RALGAPA2: variants seen among roughly 807,000 people sequenced by gnomAD.
The protein encoded by RALGAPA2 is ral GTPase-activating protein subunit alpha-2.
Under a neutral mutation model 230.4 loss-of-function variants are expected in RALGAPA2, and 139 were observed. That is an observed-to-expected ratio of 0.60 (90% CI 0.53 to 0.69). RALGAPA2 has a LOEUF of 0.69. Among genes scored for constraint, RALGAPA2 ranks in the 30% least tolerant of loss-of-function variants. RALGAPA2 has a pLI of 0.00. For missense variants in RALGAPA2, 2,163 were observed against 2,276.0 expected, an observed-to-expected ratio of 0.95 and a Z score of 1.01; for synonymous variants, 847 against 837.8, an observed-to-expected ratio of 1.01 and a Z score of -0.19.
At chr20:20,568,684 T>G (rs921629655) in intron 23 of RALGAPA2, among the ~76,000 whole-genome samples, 3 of 152,230 alleles carry the variant, frequency 2.0e-5, no homozygotes, top group Admixed American at 1.3e-4. Context: ...GACATAATTT[T>G]GATACCTTCA....
chr20:20,600,355 T>C (rs2065602011), intron 16 of RALGAPA2, among the ~76,000 whole-genome samples: 2 of 152,122 alleles, frequency 1.3e-5, no homozygotes, highest in African/African-American at 4.8e-5. Flanking sequence ...GGAATTGGAA[T>C]GAGAAAGGAA....
rs1342855056 is a variant in RALGAPA2 at position 20,640,946 on chromosome 20, T to C, written c.373-68A>G. 7.3e-6 allele frequency: 10 copies of C among 1,377,384 alleles called. No homozygotes were observed. The East Asian group carries it at 1.5e-4, about 20-fold the overall frequency. The allele number at this position is 1,377,384 out of a possible 1,614,324, so 85.3% of individuals were successfully genotyped here. A position where few individuals can be genotyped will look rare whatever the true frequency, so the allele number is the denominator to read the frequency against. On this transcript the variant is annotated intron_variant, in intron 5 of 39. Coordinates refer to ENST00000202677, the MANE Select transcript of RALGAPA2 (RefSeq NM_020343.4). ...TACAGAAATGCATTACAATGTAGCATCGGTCTTGAGAAAGAAAAACTACAA... is the reference window on the plus strand; with the variant it reads ...TACAGAAATGCATTACAATGTAGCACCGGTCTTGAGAAAGAAAAACTACAA...
intron 37 of RALGAPA2, among the ~76,000 whole-genome samples, chr20:20,463,835 GA>G: frequency 6.6e-6 from 1 of 152,344 alleles, no homozygotes; most frequent in South Asian, 2.1e-4. Flanking sequence ...GCAGCACTAT[GA>G]AAAAGGTAAG....
At chr20:20,408,927 C>G (rs1273192924) in intron 38 of RALGAPA2, among the ~76,000 whole-genome samples, 1 of 152,116 alleles carries the variant, frequency 6.6e-6, no homozygotes, top group Admixed American at 6.5e-5. Flanking sequence ...GTTATCAATA[C>G]AAGTAATGGA....
At chr20:20,668,354 G>A (rs1020349612) in intron 3 of RALGAPA2, among the ~76,000 whole-genome samples, 4 of 152,160 alleles carry the variant, frequency 2.6e-5, no homozygotes, top group African/African-American at 9.7e-5. Flanking sequence ...AGTGAACCAA[G>A]ATAGTGCCAC....
intron 20 of RALGAPA2, among the ~76,000 whole-genome samples, chr20:20,581,916 C>T (rs76784165): frequency 0.063 from 9,607 of 152,088 alleles, 394 homozygotes; most frequent in Non-Finnish European, 0.087. Context: ...ACACTCTTAA[C>T]ATGTTACTTT....
At chr20:20,434,626 A>T (rs2060569694) in intron 37 of RALGAPA2, among the ~76,000 whole-genome samples, 1 of 152,144 alleles carries the variant, frequency 6.6e-6, no homozygotes, top group African/African-American at 2.4e-5. Flanking sequence ...CTGTTTGGGT[A>T]GAGGACTATA....
intron 15 of RALGAPA2, among the ~76,000 whole-genome samples, 186 bp downstream of exon 15, chr20:20,604,989 C>T (rs1355550282): frequency 1.3e-5 from 2 of 152,192 alleles, no homozygotes; most frequent in Non-Finnish European, 2.9e-5. Flanking sequence ...ATAGCTTCCT[C>T]AGAAATTCAC....
intron 23 of RALGAPA2, among the ~76,000 whole-genome samples, chr20:20,565,641 T>C (rs1053998541): frequency 6.6e-6 from 1 of 152,088 alleles, no homozygotes; most frequent in Non-Finnish European, 1.5e-5. Flanking sequence ...AAAATTATGG[T>C]TTTTTTTAAC....
chr20:20,458,493 T>A (rs2061185182), intron 37 of RALGAPA2, among the ~76,000 whole-genome samples: 2 of 138,832 alleles, frequency 1.4e-5, no homozygotes, highest in South Asian at 2.2e-4. Context: ...ATGTATTTTA[T>A]ATATATTATA....
intron 1 of RALGAPA2, among the ~76,000 whole-genome samples, chr20:20,695,620 T>C (rs1188556113): frequency 6.6e-6 from 1 of 152,226 alleles, no homozygotes; most frequent in Admixed American, 6.5e-5. Context: ...AAATGATGTC[T>C]CTGGAAGAAT....
At chr20:20,441,976 C>G (rs1358399075) in intron 37 of RALGAPA2, among the ~76,000 whole-genome samples, 1 of 152,096 alleles carries the variant, frequency 6.6e-6, no homozygotes, top group Non-Finnish European at 1.5e-5. Context: ...AAAAGAGTAT[C>G]TGAATAAATT....
chr20:20,492,219 C>T (rs2123573605), intron 36 of RALGAPA2, among the ~76,000 whole-genome samples: 1 of 151,256 alleles, frequency 6.6e-6, no homozygotes, highest in Non-Finnish European at 1.5e-5. Context: ...TTTTTTTCTC[C>T]CAAAAAAGGA....
In RALGAPA2 at chr20:20,392,954, T is replaced by C. The variant is rs1256146837; in HGVS notation, c.*335A>G. 6 of 733,142 alleles carry C rather than the reference T, an allele frequency of 8.2e-6. No individual in the cohort carries two copies. The highest frequency in any genetic ancestry group is 1.2e-5 in the Non-Finnish European group (6 of 513,690). 45.4% of individuals were successfully genotyped at this position (733,142 alleles called of 1,614,324 possible). On this transcript the variant is annotated 3_prime_UTR_variant, in exon 40 of 40. Coordinates refer to ENST00000202677, the MANE Select transcript of RALGAPA2 (RefSeq NM_020343.4). The stretch of plus-strand genomic sequence containing the variant: ...AGCCACACCAGTGCCCACGTGTCAG[T>C]GGGTTCATCTCTGGTTTTTGGTGAC...
chr20:20,406,123 G>A (rs1287590823), intron 38 of RALGAPA2, among the ~76,000 whole-genome samples: 1 of 152,226 alleles, frequency 6.6e-6, no homozygotes, highest in East Asian at 1.9e-4. Context: ...ATTTAGGGCA[G>A]TGGTTCTCAG....
chr20:20,498,231 G>T (rs1289292204), intron 35 of RALGAPA2, among the ~76,000 whole-genome samples: 3 of 152,162 alleles, frequency 2.0e-5, no homozygotes, highest in Non-Finnish European at 4.4e-5. Flanking sequence ...GTGTAACTGG[G>T]GAAGAATGAT....
chr20:20,503,701 TC>T (rs2062447306), intron 34 of RALGAPA2, among the ~76,000 whole-genome samples, 195 bp from the exon 35 acceptor site: 1 of 152,230 alleles, frequency 6.6e-6, no homozygotes, highest in South Asian at 2.1e-4. Context: ...ATGAAAGTGC[TC>T]TACAATCATA....
intron 2 of RALGAPA2, among the ~76,000 whole-genome samples, 156 bp downstream of exon 2, chr20:20,680,535 G>A (rs1481162321): frequency 6.6e-6 from 1 of 152,108 alleles, no homozygotes; most frequent in African/African-American, 2.4e-5. Flanking sequence ...AAGCTCAAGA[G>A]AAACAAAGAT....
intron 15 of RALGAPA2, among the ~76,000 whole-genome samples, chr20:20,603,894 CA>C (rs2065737951): frequency 6.6e-6 from 1 of 152,180 alleles, no homozygotes; most frequent in Non-Finnish European, 1.5e-5. Context: ...GTAGTCTACA[CA>C]ATAAGCAGTG....
Sources: gnomAD v4.1 joint callset for allele counts (sites outside exome capture counted in the v4.1 genomes callset) on GRCh38, gnomAD v4.1.1 for gene constraint, MANE v1.5 for transcripts, NCBI Gene and HGNC (gene_info 2026-07-23, HGNC 2026-07-21) for gene names.